The following CSMD1 variants were observed in gnomAD, a reference collection of about 807,000 sequenced individuals.
CSMD1 encodes the protein CUB and Sushi multiple domains 1.
In CSMD1, 213 loss-of-function variants were observed where a neutral mutation model predicts 417.5. The observed-to-expected ratio is 0.51, with a 90% CI of 0.46 to 0.57. The LOEUF (loss-of-function observed/expected upper bound fraction) is 0.57. CSMD1 is among the 20% of genes least tolerant of loss of function. CSMD1 has a pLI of 0.00. For synonymous variants in CSMD1, 2,862 were observed against 1,736.8 expected (o/e 1.65, Z -16.11); for missense variants, 6,923 against 4,529.7 (o/e 1.53, Z -15.17).
At chr8:4,195,423 G>A (rs1055201442) in intron 3 of CSMD1, among the ~76,000 whole-genome samples, 2 of 152,118 alleles carry the variant, frequency 1.3e-5, no homozygotes, top group African/African-American at 2.4e-5. Context: ...ATGCAAGACT[G>A]TGTCATGATT....
At chr8:4,613,465 T>A (rs529627428) in intron 2 of CSMD1, among the ~76,000 whole-genome samples, 79 of 152,256 alleles carry the variant, frequency 5.2e-4, no homozygotes, top group Admixed American at 2.2e-3. Context: ...GCTGCACCTG[T>A]TCACCATGGC....
intron 57 of CSMD1, among the ~76,000 whole-genome samples, chr8:2,972,479 T>C (rs1229798637): frequency 2.0e-5 from 3 of 152,208 alleles, no homozygotes; most frequent in Non-Finnish European, 4.4e-5. Flanking sequence ...TCCGAATACA[T>C]GGTTACCATC....
intron 42 of CSMD1, among the ~76,000 whole-genome samples, chr8:3,114,617 C>G (rs1359024292): frequency 1.3e-5 from 2 of 151,966 alleles, no homozygotes; most frequent in African/African-American, 4.8e-5. Flanking sequence ...AGAGCGCACT[C>G]TGTCTTGGAA....
chr8:3,234,578 C>T (rs918061465), intron 26 of CSMD1, among the ~76,000 whole-genome samples: 1 of 152,168 alleles, frequency 6.6e-6, no homozygotes, highest in Non-Finnish European at 1.5e-5. Flanking sequence ...AAGGCCATTG[C>T]TGTACTTTCC....
intron 3 of CSMD1, among the ~76,000 whole-genome samples, chr8:4,155,919 G>A (rs1021883067): frequency 6.6e-6 from 1 of 152,134 alleles, no homozygotes; most frequent in East Asian, 1.9e-4. Flanking sequence ...GAGCTTTTGA[G>A]GAATGCACAG....
At chr8:4,433,275 C>G (rs560219177) in intron 2 of CSMD1, among the ~76,000 whole-genome samples, 1 of 152,188 alleles carries the variant, frequency 6.6e-6, no homozygotes, top group African/African-American at 2.4e-5. Flanking sequence ...ACCATTTCCT[C>G]CCACACCCTG....
chr8:4,413,554 T>C (rs1353009838), intron 3 of CSMD1, among the ~76,000 whole-genome samples: 1 of 152,180 alleles, frequency 6.6e-6, no homozygotes, highest in Non-Finnish European at 1.5e-5. Context: ...GCACTAATTC[T>C]TTTAAAAAAT....
intron 18 of CSMD1, among the ~76,000 whole-genome samples, chr8:3,384,816 T>C (rs1311478134): frequency 3.5e-4 from 42 of 121,730 alleles, no homozygotes; most frequent in Admixed American, 1.6e-3. Context: ...TATATAAATA[T>C]ATAATTAAAT....
chr8:3,157,988 A>G (rs1488159767), intron 38 of CSMD1, 22 bp from the exon 39 acceptor site: 3 of 1,531,178 alleles, frequency 2.0e-6, no homozygotes, highest in Admixed American at 3.9e-5. Context: ...AAAACAAAAG[A>G]AAATACATAT....
chr8:3,783,040 T>C (rs1353518690), intron 5 of CSMD1, among the ~76,000 whole-genome samples: 3 of 152,198 alleles, frequency 2.0e-5, no homozygotes, highest in South Asian at 4.1e-4. Flanking sequence ...TCATCTTCTG[T>C]ACTGACACTT....
chr8:3,999,878 C>T (rs1815527444), intron 4 of CSMD1, among the ~76,000 whole-genome samples: 2 of 152,156 alleles, frequency 1.3e-5, no homozygotes, highest in South Asian at 2.1e-4. Context: ...GTGGAAAGGG[C>T]TGCCCATGTT....
At chr8:4,566,638 G>A (rs532721823) in intron 2 of CSMD1, among the ~76,000 whole-genome samples, 140 of 116,446 alleles carry the variant, frequency 1.2e-3, no homozygotes, top group African/African-American at 4.5e-3. Context: ...GGGTGACAGA[G>A]GGAGACTCTG....
At chr8:4,969,983 C>T (rs1810135444) in intron 1 of CSMD1, among the ~76,000 whole-genome samples, 1 of 150,374 alleles carries the variant, frequency 6.7e-6, no homozygotes, top group Admixed American at 6.6e-5. Flanking sequence ...CGTACCATGC[C>T]TTCCATGGTC....
rs116723323 is a variant in CSMD1 at position 3,614,674 on chromosome 8, A to G, written c.1097+2036T>C. ...TACAGCTCTGCAAAATTCACCAAAG[A>G]AGTTTCTAGGTTTCTGGGATGACAG... On this transcript the variant is annotated intron_variant, in intron 8 of 69. Coordinates refer to ENST00000635120, the MANE Select transcript of CSMD1 (RefSeq NM_033225.6). Among the ~76,000 whole-genome samples, 160 of 152,286 alleles carry G rather than the reference A, an allele frequency of 1.1e-3. 1 individual carries two copies. Among genetic ancestry groups the G allele is most frequent in the African/African-American group, 3.7e-3 (155 of 41,568 alleles).
At chr8:3,827,117 C>G (rs1239171091) in intron 5 of CSMD1, among the ~76,000 whole-genome samples, 1 of 152,050 alleles carries the variant, frequency 6.6e-6, no homozygotes, top group African/African-American at 2.4e-5. Context: ...ATGTAAAAAC[C>G]GTAAAAGAAA....
chr8:4,159,062 T>G lies in CSMD1; in HGVS notation c.416-126963A>C, dbSNP rs573206539. ...TCCATAGTAACTGGGATTACAGGCTTGCACCACCAGGCCCAGCTAATTTTT... is the reference window on the plus strand; with the variant it reads ...TCCATAGTAACTGGGATTACAGGCTGGCACCACCAGGCCCAGCTAATTTTT... On this transcript the variant is annotated intron_variant, in intron 3 of 69. Transcript: ENST00000635120. 4.9e-4 allele frequency among the ~76,000 whole-genome samples: 74 copies of G among 152,148 alleles called. 1 individual carries two copies. The highest frequency in any genetic ancestry group is 2.9e-4 in the Non-Finnish European group (20 of 68,002).
intron 3 of CSMD1, among the ~76,000 whole-genome samples, chr8:4,409,984 T>G (rs1013632563): frequency 6.6e-6 from 1 of 152,200 alleles, no homozygotes; most frequent in South Asian, 2.1e-4. Flanking sequence ...CAGCAAATTT[T>G]TGTATTTTTA....
intron 5 of CSMD1, among the ~76,000 whole-genome samples, chr8:3,899,686 T>G (rs1216159279): frequency 2.6e-5 from 4 of 152,188 alleles, no homozygotes; most frequent in African/African-American, 9.7e-5. Flanking sequence ...TAATCTGGGC[T>G]AAATATGACA....
intron 1 of CSMD1, among the ~76,000 whole-genome samples, chr8:4,651,907 T>C (rs571082297): frequency 1.3e-5 from 2 of 152,310 alleles, no homozygotes; most frequent in East Asian, 3.9e-4. Flanking sequence ...AGATTATCTT[T>C]CATGTGCTAG....
Sources: allele counts gnomAD v4.1 joint callset (sites outside exome capture counted in the v4.1 genomes callset), GRCh38; gene constraint gnomAD v4.1.1; transcripts MANE v1.5; gene names NCBI Gene and HGNC (gene_info 2026-07-23, HGNC 2026-07-21).